EPHA6: variants seen among roughly 807,000 people sequenced by gnomAD.
EPHA6 encodes EPH receptor A6, also known as ephrin type-A receptor 6.
In EPHA6, 50 loss-of-function variants were observed where a neutral mutation model predicts 112.0. That is an observed-to-expected ratio of 0.45 (90% CI 0.36 to 0.56). The LOEUF (loss-of-function observed/expected upper bound fraction) is 0.56, where lower values mean the gene tolerates loss of function less well. Ranked by LOEUF, EPHA6 falls within the 20% of genes least tolerant of loss-of-function variation. The probability of loss-of-function intolerance (pLI) is 0.00; values close to 1 mark genes in which losing one functional copy is unlikely to be tolerated. For synonymous variants in EPHA6, 529 were observed against 490.7 expected (o/e 1.08, Z -1.03); for missense variants, 1,280 against 1,417.4 (o/e 0.90, Z 1.56).
At chr3:97,526,625 T>C (rs1268802503) in intron 10 of EPHA6, among the ~76,000 whole-genome samples, 1 of 151,540 alleles carries the variant, frequency 6.6e-6, no homozygotes, top group African/African-American at 2.4e-5. Context: ...AGTGCATCTC[T>C]AGCAGTTCCT....
chr3:96,977,935 T>C (rs1340024015), intron 2 of EPHA6, among the ~76,000 whole-genome samples: 1 of 152,074 alleles, frequency 6.6e-6, no homozygotes, highest in African/African-American at 2.4e-5. Context: ...AAGGCAGGTG[T>C]ATCACCTGAG....
chr3:96,956,277 C>G (rs1445774581), intron 2 of EPHA6, among the ~76,000 whole-genome samples: 1 of 152,168 alleles, frequency 6.6e-6, no homozygotes, highest in African/African-American at 2.4e-5. Flanking sequence ...AGAGAAGGCA[C>G]TCATAAGGGA....
chr3:97,451,638 G>C (rs141968792), intron 7 of EPHA6, among the ~76,000 whole-genome samples: 2 of 148,032 alleles, frequency 1.4e-5, no homozygotes, highest in Non-Finnish European at 3.0e-5. Context: ...CATTTTCAAA[G>C]CCTGCTGTTT....
intron 2 of EPHA6, among the ~76,000 whole-genome samples, chr3:96,897,880 T>C (rs1046892613): frequency 6.6e-6 from 1 of 152,160 alleles, no homozygotes; most frequent in African/African-American, 2.4e-5. Context: ...TTCCTTTGAT[T>C]ATGGAAAGTA....
chr3:97,643,397 C>A (rs1390375125), intron 14 of EPHA6, among the ~76,000 whole-genome samples: 121 of 152,224 alleles, frequency 7.9e-4, no homozygotes, highest in Non-Finnish European at 1.2e-3. Context: ...TGAGCAAAAT[C>A]ACCAGCTAAC....
chr3:97,471,526 T>C (rs1363243464), intron 7 of EPHA6, among the ~76,000 whole-genome samples: 2 of 151,698 alleles, frequency 1.3e-5, no homozygotes, highest in East Asian at 3.9e-4. Context: ...TTCTGAGCTT[T>C]GGTCCACTCA....
At chr3:96,891,917 A>G (rs1052086179) in intron 2 of EPHA6, among the ~76,000 whole-genome samples, 7 of 152,182 alleles carry the variant, frequency 4.6e-5, no homozygotes, top group African/African-American at 1.7e-4. Flanking sequence ...TCATCCATAA[A>G]CACAGCTGAA....
chr3:97,493,811 G>A (rs2091910569), intron 10 of EPHA6, among the ~76,000 whole-genome samples: 1 of 152,192 alleles, frequency 6.6e-6, no homozygotes, highest in Admixed American at 6.5e-5. Flanking sequence ...TTAGAGCTGA[G>A]TTTAGGCTGA....
intron 3 of EPHA6, among the ~76,000 whole-genome samples, chr3:97,039,069 G>C (rs905268189): frequency 2.0e-5 from 3 of 151,966 alleles, no homozygotes; most frequent in Non-Finnish European, 4.4e-5. Context: ...ACATTTAAAG[G>C]AGTTGTACCT....
chr3:97,182,134 A>G (rs2077004977), intron 3 of EPHA6, among the ~76,000 whole-genome samples: 1 of 151,988 alleles, frequency 6.6e-6, no homozygotes, highest in Admixed American at 6.6e-5. Context: ...TTGGTTTTTC[A>G]AAAAAGTATG....
At chr3:96,887,481 T>C (rs1221026526) in intron 2 of EPHA6, among the ~76,000 whole-genome samples, 3 of 152,120 alleles carry the variant, frequency 2.0e-5, no homozygotes, top group Non-Finnish European at 4.4e-5. Context: ...CCTGTTCCAG[T>C]GGAGGTGGCC....
At chr3:97,070,826 G>A (rs1325467874) in intron 3 of EPHA6, among the ~76,000 whole-genome samples, 3 of 152,078 alleles carry the variant, frequency 2.0e-5, no homozygotes, top group Non-Finnish European at 4.4e-5. Context: ...TATGTCCACA[G>A]TGCATTGTCA....
intron 3 of EPHA6, among the ~76,000 whole-genome samples, chr3:97,080,972 C>T (rs2046701664): frequency 6.6e-6 from 1 of 151,852 alleles, no homozygotes; most frequent in South Asian, 2.1e-4. Context: ...CACTCTTTTA[C>T]AAAAACTAGA....
intron 5 of EPHA6, among the ~76,000 whole-genome samples, chr3:97,310,372 A>G (rs776541725): frequency 6.6e-6 from 1 of 151,612 alleles, no homozygotes; most frequent in East Asian, 1.9e-4. Context: ...GAGAACCACT[A>G]AAATATTTGG....
At chr3:97,175,090 G>A (rs2076800845) in intron 3 of EPHA6, among the ~76,000 whole-genome samples, 1 of 151,848 alleles carries the variant, frequency 6.6e-6, no homozygotes, top group South Asian at 2.1e-4. Context: ...TGAGAAATAG[G>A]GGTCTAGTTT....
chr3:97,642,696 G>A (rs930040740), intron 14 of EPHA6, among the ~76,000 whole-genome samples: 20 of 152,114 alleles, frequency 1.3e-4, no homozygotes, highest in South Asian at 4.2e-4. Context: ...ATCAGCAATG[G>A]AAGATGAAAT....
intron 2 of EPHA6, among the ~76,000 whole-genome samples, chr3:96,934,326 G>T (rs2040476225): frequency 6.6e-6 from 1 of 151,402 alleles, no homozygotes; most frequent in South Asian, 2.1e-4. Flanking sequence ...TATTCTTTAT[G>T]ATCCATTTTT....
intron 1 of EPHA6, among the ~76,000 whole-genome samples, chr3:96,841,748 C>G (rs2034763778): frequency 6.6e-6 from 1 of 151,936 alleles, no homozygotes; most frequent in Admixed American, 6.6e-5. Context: ...ACATACCTAG[C>G]CTATTTTTAT....
intron 3 of EPHA6, among the ~76,000 whole-genome samples, chr3:97,015,085 C>T (rs2044220751): frequency 1.3e-5 from 2 of 152,090 alleles, no homozygotes; most frequent in Non-Finnish European, 2.9e-5. Context: ...AAAATAATTA[C>T]CAAAATCATT....
Sources: gnomAD v4.1 joint callset for allele counts (sites outside exome capture counted in the v4.1 genomes callset) on GRCh38, gnomAD v4.1.1 for gene constraint, MANE v1.5 for transcripts, NCBI Gene and HGNC (gene_info 2026-07-23, HGNC 2026-07-21) for gene names.